The following HS3ST3A1 variants were observed in gnomAD, a reference collection of about 807,000 sequenced individuals.
The protein encoded by HS3ST3A1 is heparan sulfate-glucosamine 3-sulfotransferase 3A1.
A neutral mutation model predicts 25.7 loss-of-function variants in HS3ST3A1; 19 were observed. The ratio of observed to expected loss-of-function variants is 0.74; its 90% CI spans 0.52 to 1.08. HS3ST3A1 has a LOEUF of 1.08. Among genes scored for constraint, HS3ST3A1 ranks in the 50% least tolerant of loss-of-function variants. The pLI, the probability that HS3ST3A1 is intolerant of heterozygous loss-of-function variation, is 0.00. For synonymous variants in HS3ST3A1, 226 were observed against 278.6 expected (o/e 0.81, Z 1.88); for missense variants, 459 against 594.3 (o/e 0.77, Z 2.37).
chr17:13,536,961 A>G (rs188242740), intron 1 of HS3ST3A1, among the ~76,000 whole-genome samples: 1 of 152,306 alleles, frequency 6.6e-6, no homozygotes, highest in East Asian at 1.9e-4. Context: ...TCCTTGTCCA[A>G]TACTTCTCCC....
At chr17:13,575,025 A>G (rs1907916166) in intron 1 of HS3ST3A1, among the ~76,000 whole-genome samples, 1 of 87,538 alleles carries the variant, frequency 1.1e-5, no homozygotes, top group Non-Finnish European at 2.2e-5. Context: ...CCCTACCTGG[A>G]ATTTTTTCTC....
chr17:13,548,757 T>C (rs143772563), intron 1 of HS3ST3A1, among the ~76,000 whole-genome samples: 1,710 of 152,188 alleles, frequency 0.011, 112 homozygotes, highest in Admixed American at 0.1. Context: ...AACGCACCAA[T>C]CAGCGTTCTT....
At chr17:13,527,706 C>T (rs1178962254) in intron 1 of HS3ST3A1, among the ~76,000 whole-genome samples, 4 of 152,320 alleles carry the variant, frequency 2.6e-5, no homozygotes, top group South Asian at 2.1e-4. Flanking sequence ...CCAATGTATT[C>T]CCATTCTGCT....
At chr17:13,505,928 C>A (rs1905652311) in intron 1 of HS3ST3A1, among the ~76,000 whole-genome samples, 1 of 148,982 alleles carries the variant, frequency 6.7e-6, no homozygotes, top group African/African-American at 2.5e-5. Flanking sequence ...GAGGTTGAGG[C>A]AGGAGAATGA....
chr17:13,554,472 AC>A lies in HS3ST3A1; in HGVS notation c.599+46058del, dbSNP rs570568823. Among the ~76,000 whole-genome samples the A allele has an allele frequency of 4.4e-3, 668 of 152,360 alleles. 11 individuals carry two copies. The highest frequency in any genetic ancestry group is 0.031 in the Admixed American group (474 of 15,306). The stretch of plus-strand genomic sequence containing the variant: ...CAAAGTTTTACAAGATACAGTCATT[AC>A]CAGAGCTGACATCTGACAGCCGCTA... On this transcript the variant is annotated intron_variant, in intron 1 of 1. Transcript: ENST00000284110.
intron 1 of HS3ST3A1, among the ~76,000 whole-genome samples, chr17:13,532,574 G>A (rs1418884237): frequency 6.6e-6 from 1 of 151,172 alleles, no homozygotes; most frequent in African/African-American, 2.4e-5. Flanking sequence ...AGGGGGGCCA[G>A]AATGAAAGGG....
chr17:13,553,565 T>A (rs1361109850), intron 1 of HS3ST3A1, among the ~76,000 whole-genome samples: 1 of 152,196 alleles, frequency 6.6e-6, no homozygotes, highest in Non-Finnish European at 1.5e-5. Flanking sequence ...AAATAAAAAA[T>A]CCATATCTCA....
At chr17:13,561,556 G>T (rs1279715668) in intron 1 of HS3ST3A1, among the ~76,000 whole-genome samples, 3 of 152,012 alleles carry the variant, frequency 2.0e-5, no homozygotes, top group Non-Finnish European at 4.4e-5. Context: ...ACCATGCCCT[G>T]CTAATTTTTG....
chr17:13,599,949 C>T (rs1443636835), intron 1 of HS3ST3A1, among the ~76,000 whole-genome samples: 1 of 152,228 alleles, frequency 6.6e-6, no homozygotes, highest in Non-Finnish European at 1.5e-5. Flanking sequence ...CTTTAAAATA[C>T]AGTGCCTGGT....
At chr17:13,589,398 C>A (rs1908360372) in intron 1 of HS3ST3A1, among the ~76,000 whole-genome samples, 1 of 152,152 alleles carries the variant, frequency 6.6e-6, no homozygotes, top group South Asian at 2.1e-4. Context: ...GTGACCTCTC[C>A]CCACATAAAT....
chr17:13,523,898 T>A (rs1245399338), intron 1 of HS3ST3A1, among the ~76,000 whole-genome samples: 1 of 152,206 alleles, frequency 6.6e-6, no homozygotes, highest in Non-Finnish European at 1.5e-5. Context: ...TTTGGGGGCA[T>A]GAATGCTTAT....
chr17:13,534,766 C>T (rs936509773), intron 1 of HS3ST3A1, among the ~76,000 whole-genome samples: 4 of 151,954 alleles, frequency 2.6e-5, no homozygotes, highest in Non-Finnish European at 2.9e-5. Flanking sequence ...TGGCTCACAC[C>T]TGTAATCCCA....
chr17:13,577,867 GGT>G (rs202098377), intron 1 of HS3ST3A1, among the ~76,000 whole-genome samples: 1 of 151,164 alleles, frequency 6.6e-6, no homozygotes, highest in African/African-American at 2.4e-5. Context: ...AGCAGTTTCT[GGT>G]GTGTGTGTGT....
At chr17:13,595,445 C>A (rs1175063649) in intron 1 of HS3ST3A1, among the ~76,000 whole-genome samples, 3 of 151,990 alleles carry the variant, frequency 2.0e-5, no homozygotes, top group Non-Finnish European at 4.4e-5. Context: ...TATAAATATC[C>A]CCCAGAGAGA....
At chr17:13,502,454 C>T (rs1471156764) in intron 1 of HS3ST3A1, among the ~76,000 whole-genome samples, 1 of 152,124 alleles carries the variant, frequency 6.6e-6, no homozygotes, top group Admixed American at 6.5e-5. Context: ...CTCAACAACA[C>T]ATATGCATGG....
chr17:13,548,559 C>T (rs1907150574), intron 1 of HS3ST3A1, among the ~76,000 whole-genome samples: 1 of 152,168 alleles, frequency 6.6e-6, no homozygotes, highest in Admixed American at 6.5e-5. Context: ...ATCCTATCCC[C>T]CAGTCTACCA....
At chr17:13,503,399 G>T (rs1287287478) in intron 1 of HS3ST3A1, among the ~76,000 whole-genome samples, 1 of 152,082 alleles carries the variant, frequency 6.6e-6, no homozygotes, top group Non-Finnish European at 1.5e-5. Context: ...ACAATTTCGT[G>T]TATATTTTCA....
Position 13,601,036 on chromosome 17 carries a change from G to T in HS3ST3A1, c.94C>A (p.Leu32Met). ...TAGAAGACGTAAAGGGACGTGAGCA[G>T]GGAGCAGAGCATCAGCAAGAACTTC... The part of the protein sequence containing the change: ...FRKFLLMLCS[L>M]LTSLYVFYCL... Residue 32 changes from leucine (L) to methionine (M), a missense_variant, in exon 1 of 2, where the codon CTG (leucine) becomes ATG (methionine). Leu to Met is a conservative substitution (Grantham distance 15). Coordinates refer to ENST00000284110, the MANE Select transcript of HS3ST3A1 (RefSeq NM_006042.3). 1 of 1,596,898 alleles carries T rather than the reference G, an allele frequency of 6.3e-7. No individual in the cohort carries two copies. Among genetic ancestry groups the T allele is most frequent in the South Asian group, 1.1e-5 (1 of 88,120 alleles).
At chr17:13,520,023 A>C (rs937771562) in intron 1 of HS3ST3A1, among the ~76,000 whole-genome samples, 1 of 152,156 alleles carries the variant, frequency 6.6e-6, no homozygotes, top group Non-Finnish European at 1.5e-5. Flanking sequence ...TAACTATCTG[A>C]CCCTAATTTT....
Sources: allele counts gnomAD v4.1 joint callset (sites outside exome capture counted in the v4.1 genomes callset), GRCh38; gene constraint gnomAD v4.1.1; transcripts MANE v1.5; gene names NCBI Gene and HGNC (gene_info 2026-07-23, HGNC 2026-07-21).